NUDCD1: variants seen among roughly 807,000 people sequenced by gnomAD.
NUDCD1 encodes the protein nudC domain-containing protein 1.
A neutral mutation model predicts 67.8 loss-of-function variants in NUDCD1; 60 were observed. The observed-to-expected ratio is 0.88, with a 90% CI of 0.72 to 1.10. The LOEUF (loss-of-function observed/expected upper bound fraction) is 1.10. Ranked by LOEUF, NUDCD1 falls within the 50% of genes least tolerant of loss-of-function variation. The probability of loss-of-function intolerance (pLI) is 0.00; values close to 1 mark genes in which losing one functional copy is unlikely to be tolerated. For synonymous variants in NUDCD1, 244 were observed against 230.8 expected (o/e 1.06, Z -0.52); for missense variants, 643 against 695.0 (o/e 0.93, Z 0.84).
At chr8:109,326,402 GCAA>G (rs1306280763) in intron 1 of NUDCD1, among the ~76,000 whole-genome samples, 1 of 152,138 alleles carries the variant, frequency 6.6e-6, no homozygotes, top group Non-Finnish European at 1.5e-5. Context: ...GGGAGGCAGA[GCAA>G]CTGAAAGTAG....
At chr8:109,333,872 A>G (rs1815880636) in intron 1 of NUDCD1, 21 bp downstream of exon 1, 1 of 1,613,406 alleles carries the variant, frequency 6.2e-7, no homozygotes, top group African/African-American at 1.3e-5. Context: ...ACGGAGTACG[A>G]AGGGCGCCGC....
chr8:109,284,523 T>A (rs1249110118), intron 5 of NUDCD1, among the ~76,000 whole-genome samples: 2 of 152,004 alleles, frequency 1.3e-5, no homozygotes, highest in African/African-American at 4.8e-5. Flanking sequence ...ACTCACACAC[T>A]CAGCCATAAA....
intron 4 of NUDCD1, among the ~76,000 whole-genome samples, chr8:109,291,392 G>A: frequency 6.6e-6 from 1 of 152,112 alleles, no homozygotes; most frequent in Non-Finnish European, 1.5e-5. Flanking sequence ...TGATCCTCCT[G>A]CTTTGACCTC....
At chr8:109,274,618 T>C (rs1327855071) in intron 7 of NUDCD1, among the ~76,000 whole-genome samples, 1 of 152,200 alleles carries the variant, frequency 6.6e-6, no homozygotes, top group South Asian at 2.1e-4. Context: ...TTCCTTTTGA[T>C]AGTGACATTC....
intron 5 of NUDCD1, among the ~76,000 whole-genome samples, chr8:109,287,626 T>C (rs553408511): frequency 1.4e-4 from 22 of 152,108 alleles, no homozygotes; most frequent in Non-Finnish European, 2.1e-4. Flanking sequence ...CAACATACAA[T>C]AGGGACTACT....
At chr8:109,246,033 G>A (rs1489576580) in intron 8 of NUDCD1, among the ~76,000 whole-genome samples, 1 of 152,148 alleles carries the variant, frequency 6.6e-6, no homozygotes, top group Non-Finnish European at 1.5e-5. Context: ...TCTGCCTTAT[G>A]AGAATCTAAC....
intron 1 of NUDCD1, among the ~76,000 whole-genome samples, chr8:109,330,852 A>G (rs996700764): frequency 1.3e-5 from 2 of 152,194 alleles, no homozygotes; most frequent in Non-Finnish European, 2.9e-5. Flanking sequence ...TCACATGGAC[A>G]CAGGGAGGGG....
intron 8 of NUDCD1, among the ~76,000 whole-genome samples, chr8:109,263,068 A>C (rs1265239464): frequency 6.7e-6 from 1 of 150,134 alleles, no homozygotes; most frequent in East Asian, 1.9e-4. Flanking sequence ...AAAAAAAAAA[A>C]AAAAAAAAAA....
chr8:109,293,428 G>A lies in NUDCD1; in HGVS notation c.556C>T (p.Arg186Ter), dbSNP rs1278298210. The change falls in exon 4 of 10, where the codon CGA becomes TGA. Residue 186 changes from arginine to a stop codon, truncating the protein, a stop_gained. Coordinates refer to ENST00000239690, the MANE Select transcript of NUDCD1 (RefSeq NM_032869.4). LOFTEE classifies it high-confidence loss of function. ...EEHSIATLLL[R>*]IEKEELDMKG... is the part of the protein sequence containing the mutation. ...ATATCCAATTCCTCTTTCTCTATTCGAAGAAGTAGGGTAGCTATAGAATGT... is the reference window on the plus strand; with the variant it reads ...ATATCCAATTCCTCTTTCTCTATTCAAAGAAGTAGGGTAGCTATAGAATGT... 23 of 1,585,186 alleles carry A rather than the reference G, an allele frequency of 1.5e-5. No homozygotes were observed. Among genetic ancestry groups the A allele is most frequent in the Middle Eastern group, 1.7e-4 (1 of 6,032 alleles).
intron 1 of NUDCD1, 86 bp downstream of exon 1, chr8:109,333,807 G>A (rs910546551): frequency 1.8e-5 from 26 of 1,430,994 alleles, no homozygotes; most frequent in Non-Finnish European, 2.2e-5. Flanking sequence ...TTGCCAGTCA[G>A]AAAGAAAGAA....
intron 2 of NUDCD1, among the ~76,000 whole-genome samples, chr8:109,309,237 C>A (rs946628690): frequency 6.6e-6 from 1 of 151,404 alleles, no homozygotes; most frequent in Non-Finnish European, 1.5e-5. Context: ...CTGAATCCAA[C>A]AACATATCAA....
At chr8:109,312,208 A>T (rs1452445659) in intron 2 of NUDCD1, among the ~76,000 whole-genome samples, 1 of 148,946 alleles carries the variant, frequency 6.7e-6, no homozygotes, top group Admixed American at 6.8e-5. Flanking sequence ...AGGCTGAGGC[A>T]GGAGAATTGC....
Position 109,243,302 on chromosome 8 carries a change from C to G in NUDCD1, c.1460-1G>C, listed in dbSNP as rs1328493781. 5.7e-6 allele frequency: 9 copies of G among 1,569,172 alleles called. No individual in the cohort carries two copies. The highest frequency in any genetic ancestry group is 8.7e-7 in the Non-Finnish European group (1 of 1,152,432). On this transcript the variant is annotated splice_acceptor_variant, in intron 9 of 9. Coordinates refer to ENST00000239690, the MANE Select transcript of NUDCD1 (RefSeq NM_032869.4). LOFTEE classifies it high-confidence loss of function. Reference sequence around the variant, plus strand: ...TCTCTCTTTGATGCTTGGACATAGCCTGCCAAGAATATGAGACAAACAAAA... The same window carrying G: ...TCTCTCTTTGATGCTTGGACATAGCGTGCCAAGAATATGAGACAAACAAAA...
At chr8:109,316,346 C>T (rs1322662242) in intron 2 of NUDCD1, 3 of 152,124 alleles carry the variant, frequency 2.0e-5, no homozygotes, top group Admixed American at 6.6e-5. Context: ...CCTGCTGCCA[C>T]CTGTTGGCTC....
Position 109,275,365 on chromosome 8 carries a change from G to A in NUDCD1, c.1160C>T (p.Thr387Ile). The A allele has an allele frequency of 6.2e-7, 1 of 1,613,172 alleles. No homozygotes were observed. Among genetic ancestry groups the A allele is most frequent in the Non-Finnish European group, 8.5e-7 (1 of 1,179,496 alleles). Residue 387 changes from threonine (T) to isoleucine (I), a missense_variant, in exon 7 of 10, where the codon ACC becomes ATC. Thr to Ile is a moderately conservative substitution (Grantham distance 89, BLOSUM62 -1). Coordinates refer to ENST00000239690, the MANE Select transcript of NUDCD1 (RefSeq NM_032869.4). ...AAIAERLMHL[T>I]SEELNPNPDK... ...CCAACTACTTACCAGTTCTTCAGAG[G>A]TCAAATGCATCAAACGTTCAGCTAT...
rs189975780 is a variant in NUDCD1, at chr8:109,327,804, G to A, written c.119-5341C>T. ...TACATATGCTGAAACTTCCCCACTC[G>A]CAAAATAAACAAATAAAAAAGGCTT... On this transcript the variant is annotated intron_variant, in intron 1 of 9. Transcript: ENST00000239690. Among the ~76,000 whole-genome samples, 186 of 152,116 alleles carry A rather than the reference G, an allele frequency of 1.2e-3. 1 individual carries two copies. Among genetic ancestry groups the A allele is most frequent in the African/African-American group, 3.3e-3 (137 of 41,492 alleles).
chr8:109,269,325 C>T (rs1447575937), intron 8 of NUDCD1, among the ~76,000 whole-genome samples: 1 of 152,126 alleles, frequency 6.6e-6, no homozygotes, highest in Non-Finnish European at 1.5e-5. Flanking sequence ...TCTGCCTAGC[C>T]ATTGGTCCTA....
chr8:109,262,391 C>T (rs911531925), intron 8 of NUDCD1, among the ~76,000 whole-genome samples: 5 of 152,172 alleles, frequency 3.3e-5, no homozygotes, highest in African/African-American at 9.7e-5. Flanking sequence ...GACAGGACTT[C>T]CTTTTCTACA....
intron 1 of NUDCD1, among the ~76,000 whole-genome samples, chr8:109,331,951 A>G (rs1447566455): frequency 2.0e-5 from 3 of 152,222 alleles, no homozygotes; most frequent in Non-Finnish European, 2.9e-5. Context: ...CTCCAGCAAT[A>G]TAAGAGTGCA....
Sources: allele counts gnomAD v4.1 joint callset (sites outside exome capture counted in the v4.1 genomes callset), GRCh38; gene constraint gnomAD v4.1.1; transcripts MANE v1.5; gene names NCBI Gene and HGNC (gene_info 2026-07-23, HGNC 2026-07-21).